Variants in AATF observed in about 807,000 individuals in gnomAD.
AATF encodes the protein protein AATF.
Under a neutral mutation model 63.7 loss-of-function variants are expected in AATF, and 48 were observed. That is an observed-to-expected ratio of 0.75 (90% confidence interval 0.60 to 0.96). The LOEUF is 0.96. AATF is among the 40% of genes least tolerant of loss of function. The pLI is 0.00. For synonymous variants in AATF, 258 were observed against 247.7 expected (o/e 1.04, Z -0.39); for missense variants, 639 against 685.7 (o/e 0.93, Z 0.76).
At chr17:36,953,479 A>G (rs2070873776) in intron 3 of AATF, among the ~76,000 whole-genome samples, 183 bp downstream of exon 3, 1 of 152,178 alleles carries the variant, frequency 6.6e-6, no homozygotes, top group Non-Finnish European at 1.5e-5. Context: ...TTCTGCACTG[A>G]TCTGCTTAGC....
rs533258577 is a variant in AATF at position 36,986,058 on chromosome 17, A to G, written c.833-559A>G. Among the ~76,000 whole-genome samples, 15 of 152,260 alleles carry G rather than the reference A, an allele frequency of 9.9e-5. No homozygotes were observed. The East Asian group carries it at 2.5e-3, about 25-fold the overall frequency. ...TGTGAACAGGAACTTTTCCATAAGG[A>G]TATGTGTTGAGAGATGGAGTGAAGG... On this transcript the variant is annotated intron_variant, in intron 4 of 11. Transcript: ENST00000619387.
chr17:36,950,899 A>G (rs1237884142), intron 2 of AATF, among the ~76,000 whole-genome samples: 1 of 152,168 alleles, frequency 6.6e-6, no homozygotes, highest in African/African-American at 2.4e-5. Context: ...GCTACTGGAG[A>G]GGGTTATGAG....
intron 8 of AATF, among the ~76,000 whole-genome samples, chr17:37,009,567 C>G (rs906175503): frequency 5.9e-5 from 9 of 151,372 alleles, no homozygotes; most frequent in Non-Finnish European, 7.4e-5. Context: ...CCTGTAATCC[C>G]AGCACTTTGG....
At chr17:36,955,085 A>G (rs2070888806) in intron 4 of AATF, among the ~76,000 whole-genome samples, 2 of 152,202 alleles carry the variant, frequency 1.3e-5, no homozygotes, top group Non-Finnish European at 2.9e-5. Flanking sequence ...GCTGAGATCA[A>G]TATGTCTTAC....
intron 8 of AATF, among the ~76,000 whole-genome samples, chr17:37,017,657 A>T (rs1288347067): frequency 6.6e-6 from 1 of 152,216 alleles, no homozygotes; most frequent in Non-Finnish European, 1.5e-5. Context: ...TGGTCCCTGC[A>T]TTCTTAAACA....
intron 8 of AATF, among the ~76,000 whole-genome samples, chr17:37,007,833 A>G (rs1389152162): frequency 6.6e-6 from 1 of 152,200 alleles, no homozygotes; most frequent in Non-Finnish European, 1.5e-5. Flanking sequence ...TTGTGTAATC[A>G]GGGTATTGTG....
intron 10 of AATF, 198 bp downstream of exon 10, chr17:37,021,212 G>A: frequency 2.1e-6 from 1 of 478,684 alleles, no homozygotes; most frequent in Non-Finnish European, 3.7e-6. Flanking sequence ...TGACTTTTGT[G>A]CTACTGTTGT....
Position 37,011,259 on chromosome 17 carries a change from C to T in AATF, c.1399-7746C>T, listed in dbSNP as rs184632627. On this transcript the variant is annotated intron_variant, in intron 8 of 11. Transcript: ENST00000619387. ...GCGTGGTGGTGCACGCCTGTAATCC[C>T]AGCTACTCGGGAGGCTGAGGCAGGA... 9.2e-5 allele frequency among the ~76,000 whole-genome samples: 14 copies of T among 152,256 alleles called. No homozygotes were observed. The East Asian group carries it at 2.7e-3, about 29-fold the overall frequency.
At chr17:36,958,543 A>G (rs569951048) in intron 4 of AATF, among the ~76,000 whole-genome samples, 1 of 152,308 alleles carries the variant, frequency 6.6e-6, no homozygotes, top group South Asian at 2.1e-4. Flanking sequence ...GAAGAAGGGA[A>G]GTTACTTAAG....
intron 4 of AATF, among the ~76,000 whole-genome samples, chr17:36,983,941 C>T (rs2071147391): frequency 6.6e-6 from 1 of 152,152 alleles, no homozygotes; most frequent in East Asian, 1.9e-4. Flanking sequence ...GGTAGGTTGG[C>T]TCTCAGGCCT....
chr17:36,987,153 ATTT>A (rs11286976), intron 5 of AATF, among the ~76,000 whole-genome samples: 9 of 121,358 alleles, frequency 7.4e-5, no homozygotes, highest in African/African-American at 1.9e-4. Context: ...ATGCCTGGCT[ATTT>A]TTTTTTTTTT....
chr17:36,962,510 A>T (rs1410603327), intron 4 of AATF, among the ~76,000 whole-genome samples: 2 of 151,972 alleles, frequency 1.3e-5, no homozygotes, highest in African/African-American at 4.8e-5. Context: ...AATGCATTTC[A>T]CTGTTTTGGG....
intron 10 of AATF, among the ~76,000 whole-genome samples, chr17:37,029,006 A>G (rs1008476240): frequency 1.3e-5 from 2 of 152,204 alleles, no homozygotes; most frequent in African/African-American, 2.4e-5. Context: ...ACAATTGTCT[A>G]TAGGTAGAAG....
In AATF at chr17:36,988,580, G is replaced by A; in HGVS notation, c.1009G>A (p.Val337Ile). 1 of 1,614,158 alleles carries A rather than the reference G, an allele frequency of 6.2e-7. No individual in the cohort carries two copies. The highest frequency in any genetic ancestry group is 1.7e-4 in the Middle Eastern group (1 of 6,060). ...VEEKKQQRRR[V>I]PAKRKLEMED... The stretch of plus-strand genomic sequence containing the variant: ...AGAGAAGAAGCAGCAACGAAGAAGG[G>A]TCCCTGCAAAGAGGAAGCTGGAGAT... Residue 337 changes from valine (V) to isoleucine (I), a missense_variant, in exon 6 of 12, where the codon GTC (valine) becomes ATC (isoleucine). Transcript: ENST00000619387.
intron 4 of AATF, among the ~76,000 whole-genome samples, chr17:36,963,056 T>G (rs2070961226): frequency 6.6e-6 from 1 of 152,010 alleles, no homozygotes; most frequent in Non-Finnish European, 1.5e-5. Context: ...GAGGTGGAGA[T>G]TGCAGTGAGC....
At chr17:36,958,912 A>C (rs537574491) in intron 4 of AATF, among the ~76,000 whole-genome samples, 40 of 151,958 alleles carry the variant, frequency 2.6e-4, no homozygotes, top group African/African-American at 8.2e-4. Flanking sequence ...TGGGAGGCCA[A>C]GACAGGTGGA....
At chr17:37,045,968 A>G (rs1266524179) in intron 11 of AATF, 1 of 152,128 alleles carries the variant, frequency 6.6e-6, no homozygotes, top group African/African-American at 2.4e-5. Context: ...TTTGAAGGAT[A>G]CTATTAAAAA....
intron 1 of AATF, among the ~76,000 whole-genome samples, chr17:36,949,575 G>A (rs954676375): frequency 9.2e-5 from 14 of 152,238 alleles, no homozygotes; most frequent in African/African-American, 3.4e-4. Context: ...TTAGAAAGGA[G>A]GAGAAGAAAG....
Position 36,980,637 on chromosome 17 carries a change from GTTTA to G in AATF, c.833-5976_833-5973del, listed in dbSNP as rs1001146030. On this transcript the variant is annotated intron_variant, in intron 4 of 11. Transcript: ENST00000619387. ...TAGAGAGTGGTTTTTTTTTAAATGT[GTTTA>G]TTTGTTTGTTTTGGCTGGGAAGAAT... is the stretch of plus-strand genomic sequence containing the variant. Among the ~76,000 whole-genome samples the G allele has an allele frequency of 1.1e-4, 17 of 152,020 alleles. No homozygotes were observed. The East Asian group carries it at 3.3e-3, about 29-fold the overall frequency.
Sources: allele counts gnomAD v4.1 joint callset (sites outside exome capture counted in the v4.1 genomes callset), GRCh38; gene constraint gnomAD v4.1.1; transcripts MANE v1.5; gene names NCBI Gene and HGNC (gene_info 2026-07-23, HGNC 2026-07-21).